Variants in MINK1 observed in about 807,000 individuals in gnomAD.
MINK1 encodes the protein misshapen-like kinase 1.
In MINK1, 46 loss-of-function variants were observed where a neutral mutation model predicts 178.4. That is an observed-to-expected ratio of 0.26 (90% CI 0.20 to 0.33). MINK1 has a LOEUF of 0.33. Among genes scored for constraint, MINK1 ranks in the 10% least tolerant of loss-of-function variants. The pLI, the probability that MINK1 is intolerant of heterozygous loss-of-function variation, is 1.00. For synonymous variants in MINK1, 797 were observed against 709.7 expected, an observed-to-expected ratio of 1.12 and a Z score of -1.96; for missense variants, 1,366 against 1,814.9, an observed-to-expected ratio of 0.75 and a Z score of 4.49.
intron 1 of MINK1, among the ~76,000 whole-genome samples, chr17:4,858,371 G>A (rs912674341): frequency 1.3e-5 from 2 of 152,108 alleles, no homozygotes; most frequent in African/African-American, 4.8e-5. Context: ...GCTCCAAGAC[G>A]CTGGCAGCCT....
intron 1 of MINK1, among the ~76,000 whole-genome samples, chr17:4,867,368 G>A (rs998143650): frequency 6.6e-6 from 1 of 151,192 alleles, no homozygotes; most frequent in East Asian, 1.9e-4. Flanking sequence ...ATAGGTACAC[G>A]GTCAGGTACA....
chr17:4,845,387 TCTTA>T lies in MINK1; in HGVS notation c.57+11751_57+11754del, dbSNP rs149962553. On this transcript the variant is annotated intron_variant, in intron 1 of 31. Transcript: ENST00000355280. Reference sequence around the variant, plus strand: ...TTCGTCATCTTGCTTGTTTTCAGCCTCTTACTTCATCTCATCCTGGGGGTCTGAT... The same window carrying T: ...TTCGTCATCTTGCTTGTTTTCAGCCTCTTCATCTCATCCTGGGGGTCTGAT... Among the ~76,000 whole-genome samples the T allele has an allele frequency of 1.8e-4, 28 of 152,276 alleles. No homozygotes were observed. The East Asian group carries it at 4.8e-3, about 26-fold the overall frequency.
chr17:4,891,761 A>T lies in MINK1; in HGVS notation c.2001+45A>T, dbSNP rs747993552. ...CCCAGGGAAAAGCAGAGAGCTAGTC[A>T]TGAAGAGAAGGAGGGCAGTGAAGGG... On this transcript the variant is annotated intron_variant, in intron 16 of 31. Coordinates refer to ENST00000355280, the MANE Select transcript of MINK1 (RefSeq NM_153827.5). 7.1e-6 allele frequency: 11 copies of T among 1,555,802 alleles called. 1 individual carries two copies. In the South Asian group the frequency reaches 1.3e-4, roughly 19 times the overall value.
chr17:4,888,694 T>C (rs1968463431), intron 12 of MINK1, among the ~76,000 whole-genome samples: 1 of 138,810 alleles, frequency 7.2e-6, no homozygotes, highest in South Asian at 2.2e-4. Context: ...TCCTATCTTT[T>C]TTTTTTTTTT....
At chr17:4,845,186 C>G (rs891344640) in intron 1 of MINK1, among the ~76,000 whole-genome samples, 1 of 152,130 alleles carries the variant, frequency 6.6e-6, no homozygotes, top group Admixed American at 6.5e-5. Context: ...ACACAACCCC[C>G]CTCCCAGCTC....
At chr17:4,876,283 A>G (rs1967177548) in intron 1 of MINK1, among the ~76,000 whole-genome samples, 1 of 152,180 alleles carries the variant, frequency 6.6e-6, no homozygotes, top group Non-Finnish European at 1.5e-5. Context: ...GTGAGGTCCT[A>G]GACATTACCT....
chr17:4,839,938 AATGT>A (rs1431032162), intron 1 of MINK1, among the ~76,000 whole-genome samples: 28 of 102,392 alleles, frequency 2.7e-4, no homozygotes, highest in East Asian at 2.3e-3. Context: ...ATTATTTATT[AATGT>A]GTGTGTGTGT....
chr17:4,894,376 T>G lies in MINK1; in HGVS notation c.2808+65T>G, dbSNP rs1969206316. ...CCTGGCGATGGGCAGGAGGTCCCGGTGCTGGGTAACGGCAGAGGATGGGGC... is the reference window on the plus strand; with the variant it reads ...CCTGGCGATGGGCAGGAGGTCCCGGGGCTGGGTAACGGCAGAGGATGGGGC... On this transcript the variant is annotated intron_variant, in intron 23 of 31. Transcript: ENST00000355280. The surrounding 1 kb of genome is among the most constrained non-coding windows in gnomAD (Gnocchi z 4.1). 4 of 1,571,972 alleles carry G rather than the reference T, an allele frequency of 2.5e-6. No homozygotes were observed. In the African/African-American group the frequency reaches 4.1e-5, roughly 16 times the overall value.
intron 21 of MINK1, 154 bp downstream of exon 21, chr17:4,893,751 C>T (rs933462618): frequency 1.5e-5 from 18 of 1,185,420 alleles, no homozygotes; most frequent in Middle Eastern, 5.9e-4. Context: ...GTCTCTCTCC[C>T]GCTGCCCTGT....
At chr17:4,840,755 G>A (rs550483138) in intron 1 of MINK1, among the ~76,000 whole-genome samples, 5 of 152,340 alleles carry the variant, frequency 3.3e-5, no homozygotes, top group South Asian at 4.1e-4. Flanking sequence ...GATGAGTGGG[G>A]TGTGGAGGGG....
intron 12 of MINK1, among the ~76,000 whole-genome samples, chr17:4,888,614 G>T (rs1364049739): frequency 6.6e-6 from 1 of 151,262 alleles, no homozygotes; most frequent in Non-Finnish European, 1.5e-5. Flanking sequence ...CTGGGGAACA[G>T]AGCAAGACTC....
At position 4,896,458 on chromosome 17, in the gene MINK1, C is replaced by A. The variant is rs761970149; in HGVS notation, c.3645C>A (p.Ile1215=). The change falls in exon 30 of 32, where the codon ATC becomes ATA. Residue 1215 remains isoleucine, a synonymous_variant. Coordinates refer to ENST00000355280, the MANE Select transcript of MINK1 (RefSeq NM_153827.5). The surrounding 1 kb of genome is among the most constrained non-coding windows in gnomAD (Gnocchi z 4.6). The stretch of plus-strand genomic sequence containing the variant: ...AGAGCCAGATCACGCCCCATGCCAT[C>A]ATCTTCCTCCCCAACACCGACGGCA... ...HIQSQITPHA[I]IFLPNTDGME... 6.2e-7 allele frequency: 1 copy of A among 1,613,984 alleles called. No individual in the cohort carries two copies.
chr17:4,895,550 C>T lies in MINK1; in HGVS notation c.3229+57C>T, dbSNP rs1969358785. 4 of 1,550,942 alleles carry T rather than the reference C, an allele frequency of 2.6e-6. No individual in the cohort carries two copies. Among genetic ancestry groups the T allele is most frequent in the African/African-American group, 2.7e-5 (2 of 73,714 alleles). ...GGGCTCAGCTCCTTGGCGCTGTCAC[C>T]ATCTTCTGCCTGGGAGGAGGGCAGG... is the stretch of plus-strand genomic sequence containing the variant. On this transcript the variant is annotated intron_variant, in intron 26 of 31. Coordinates refer to ENST00000355280, the MANE Select transcript of MINK1 (RefSeq NM_153827.5). This position sits in a 1 kb window ranked among gnomAD's most constrained non-coding sequence, Gnocchi z 4.3.
chr17:4,896,300 T>C lies in MINK1; in HGVS notation c.3573T>C (p.Asp1191=). 1 of 1,602,896 alleles carries C rather than the reference T, an allele frequency of 6.2e-7. No individual in the cohort carries two copies. ...YGSSAGFHAV[D]VDSGNSYDIY... ...CCAGTGCTGGCTTCCATGCTGTGGA[T>C]GTCGACTCGGGGAACAGCTATGACA... The change falls in exon 29 of 32, where the codon GAT becomes GAC. Residue 1191 remains aspartate, a synonymous_variant. Transcript: ENST00000355280. This position sits in a 1 kb window ranked among gnomAD's most constrained non-coding sequence, Gnocchi z 4.6.
At chr17:4,851,110 C>G in intron 1 of MINK1, 1 of 439,046 alleles carries the variant, frequency 2.3e-6, no homozygotes. Context: ...CACACTTCAC[C>G]CTAAATCCCA....
rs546178509 is a variant in MINK1 at position 4,895,054 on chromosome 17, A to ACCT, written c.2918-11_2918-9dup. On this transcript the variant is annotated intron_variant, in intron 24 of 31. Transcript: ENST00000355280. The surrounding 1 kb of genome is among the most constrained non-coding windows in gnomAD (Gnocchi z 4.3). Reference sequence around the variant, plus strand: ...GTGAGAAGCTGCAGCCCCTCCTCCCACCTCCTCCTCCTTCTGGCAGCCCTA... The same window carrying ACCT: ...GTGAGAAGCTGCAGCCCCTCCTCCCACCTCCTCCTCCTCCTTCTGGCAGCCCTA... 3.1e-6 allele frequency: 5 copies of ACCT among 1,611,104 alleles called. No homozygotes were observed. Among genetic ancestry groups the ACCT allele is most frequent in the Non-Finnish European group, 4.2e-6 (5 of 1,178,940 alleles).
chr17:4,896,908 C>A lies in MINK1; in HGVS notation c.3915+95C>A. On this transcript the variant is annotated intron_variant, in intron 31 of 31. Transcript: ENST00000355280. The surrounding 1 kb of genome is among the most constrained non-coding windows in gnomAD (Gnocchi z 4.6). Reference sequence around the variant, plus strand: ...TCTGGGGAGAGGATGGTGGTGGTGGCTTCCTGAAAGCGGGCCCCTCTGGGA... The same window carrying A: ...TCTGGGGAGAGGATGGTGGTGGTGGATTCCTGAAAGCGGGCCCCTCTGGGA... 1 of 1,456,060 alleles carries A rather than the reference C, an allele frequency of 6.9e-7. No homozygotes were observed. Among genetic ancestry groups the A allele is most frequent in the Non-Finnish European group, 9.1e-7 (1 of 1,100,034 alleles). 90.2% of individuals were successfully genotyped at this position (1,456,060 alleles called of 1,614,324 possible).
chr17:4,895,607 C>G lies in MINK1; in HGVS notation c.3230-91C>G, dbSNP rs144435389. 1.0e-3 allele frequency: 1,623 copies of G among 1,560,700 alleles called. 10 individuals are homozygous for G. In the African/African-American group the frequency reaches 0.014, roughly 14 times the overall value. ...AAGGTGGGGCCACACTTTCTCACCC[C>G]TTGTGGTATGCTGACAGAGGAGGCC... On this transcript the variant is annotated intron_variant, in intron 26 of 31. Coordinates refer to ENST00000355280, the MANE Select transcript of MINK1 (RefSeq NM_153827.5). This position sits in a 1 kb window ranked among gnomAD's most constrained non-coding sequence, Gnocchi z 4.3.
chr17:4,860,874 C>G (rs1011306946), intron 1 of MINK1: 4 of 487,390 alleles, frequency 8.2e-6, no homozygotes, highest in Non-Finnish European at 1.6e-5. Flanking sequence ...CTTCGGGAAG[C>G]TTTTGAAGCT....
Sources: allele counts gnomAD v4.1 joint callset (sites outside exome capture counted in the v4.1 genomes callset), GRCh38; gene constraint gnomAD v4.1.1; non-coding constraint Gnocchi (gnomAD v3.1); transcripts MANE v1.5; gene names NCBI Gene and HGNC (gene_info 2026-07-23, HGNC 2026-07-21).